Variants in LIN28B observed in about 807,000 individuals in gnomAD.
LIN28B encodes protein lin-28 homolog B.
In LIN28B, 5 loss-of-function variants were observed where a neutral mutation model predicts 21.9. The observed-to-expected ratio is 0.23, with a 90% confidence interval of 0.12 to 0.48. LIN28B has a LOEUF of 0.48. Among genes scored for constraint, LIN28B ranks in the 20% least tolerant of loss-of-function variants. The probability of loss-of-function intolerance (pLI) is 0.98; values close to 1 mark genes in which losing one functional copy is unlikely to be tolerated. For missense variants in LIN28B, 245 were observed against 310.5 expected (o/e 0.79, Z 1.58); for synonymous variants, 109 against 111.3 (o/e 0.98, Z 0.13).
At chr6:105,019,039 G>A (rs573154625) in intron 2 of LIN28B, among the ~76,000 whole-genome samples, 3 of 151,640 alleles carry the variant, frequency 2.0e-5, no homozygotes, top group East Asian at 1.9e-4. Context: ...TCCGCCTCCC[G>A]GGTTCAAGTG....
chr6:105,006,723 T>C (rs181172405), intron 2 of LIN28B, among the ~76,000 whole-genome samples: 85 of 152,364 alleles, frequency 5.6e-4, no homozygotes, highest in African/African-American at 2.0e-3. Flanking sequence ...CCTGTAGTCA[T>C]GGTCCTCTCA....
At chr6:105,015,186 G>T (rs1159518162) in intron 2 of LIN28B, among the ~76,000 whole-genome samples, 1 of 152,072 alleles carries the variant, frequency 6.6e-6, no homozygotes, top group East Asian at 1.9e-4. Flanking sequence ...GTCAGTTCTT[G>T]ATTTGTGCAT....
At chr6:105,019,688 A>G (rs1771096809) in intron 2 of LIN28B, among the ~76,000 whole-genome samples, 1 of 152,036 alleles carries the variant, frequency 6.6e-6, no homozygotes, top group Admixed American at 6.6e-5. Context: ...CCTTCTGTTA[A>G]TTTTCTTGGG....
At chr6:105,004,393 C>CT (rs913687121) in intron 2 of LIN28B, among the ~76,000 whole-genome samples, 50 of 152,234 alleles carry the variant, frequency 3.3e-4, no homozygotes, top group African/African-American at 1.2e-3. Flanking sequence ...CTCCCTCTTT[C>CT]TTTTTTGTAC....
At chr6:105,017,702 C>T (rs548568397) in intron 2 of LIN28B, among the ~76,000 whole-genome samples, 5 of 149,610 alleles carry the variant, frequency 3.3e-5, no homozygotes, top group African/African-American at 1.2e-4. Context: ...TTCTTATGGA[C>T]ATAAATATGG....
intron 3 of LIN28B, among the ~76,000 whole-genome samples, chr6:105,033,120 G>GT (rs1771457668): frequency 6.6e-6 from 1 of 152,130 alleles, no homozygotes; most frequent in African/African-American, 2.4e-5. Context: ...TATATAAAGT[G>GT]TAAGGCCTAG....
chr6:104,999,606 A>G (rs538144682), intron 2 of LIN28B, among the ~76,000 whole-genome samples: 7 of 152,350 alleles, frequency 4.6e-5, no homozygotes, highest in African/African-American at 1.4e-4. Flanking sequence ...ATGAACATCA[A>G]TGTAATGGCA....
chr6:104,967,576 CAAAAAAAAAAAAAA>C (rs71003462), intron 2 of LIN28B, among the ~76,000 whole-genome samples: 3 of 60,736 alleles, frequency 4.9e-5, no homozygotes, highest in South Asian at 6.2e-4. Context: ...AACTCCCTCT[CAAAAAAAAAAAAAA>C]AAAAAAAAAG....
intron 3 of LIN28B, among the ~76,000 whole-genome samples, chr6:105,060,468 T>C (rs1325143010): frequency 6.6e-6 from 1 of 152,136 alleles, no homozygotes. Context: ...ATTTATATTA[T>C]CCACAGTAAT....
intron 2 of LIN28B, among the ~76,000 whole-genome samples, chr6:104,962,976 A>G (rs1431980383): frequency 6.6e-6 from 1 of 152,176 alleles, no homozygotes. Flanking sequence ...TGCCCAGTTG[A>G]CCATTTTCAG....
intron 2 of LIN28B, among the ~76,000 whole-genome samples, chr6:105,011,113 G>A (rs114341017): frequency 8.4e-4 from 128 of 152,220 alleles, no homozygotes; most frequent in African/African-American, 3.0e-3. Flanking sequence ...TATGCTAATA[G>A]CCTTGGAACA....
intron 3 of LIN28B, among the ~76,000 whole-genome samples, chr6:105,030,468 A>G (rs1317664039): frequency 6.6e-6 from 1 of 152,204 alleles, no homozygotes; most frequent in Admixed American, 6.5e-5. Context: ...AATTATGTGA[A>G]GCAGCCTTGA....
intron 2 of LIN28B, among the ~76,000 whole-genome samples, chr6:104,996,639 A>G (rs1488184795): frequency 6.6e-6 from 1 of 152,172 alleles, no homozygotes; most frequent in African/African-American, 2.4e-5. Flanking sequence ...GGGGTAGTAA[A>G]GTAAGGAAAA....
upstream of LIN28B, among the ~76,000 whole-genome samples, chr6:104,952,252 A>G (rs1778228412): frequency 6.6e-6 from 1 of 152,238 alleles, no homozygotes; most frequent in Non-Finnish European, 1.5e-5. Context: ...AGACCTTTAA[A>G]TTAGGAAACA....
Position 105,067,242 on chromosome 6 carries a change from T to C in LIN28B, c.384-11172T>C, listed in dbSNP as rs12526441. On this transcript the variant is annotated intron_variant, in intron 3 of 3. Transcript: ENST00000345080. ...TCATAATTGATAGTAGTACTAACTT[T>C]TTAAAACACTTTAACTCAAAGGTCA... 4.4e-3 allele frequency among the ~76,000 whole-genome samples: 674 copies of C among 152,362 alleles called. 26 individuals are homozygous for C. The highest frequency in any genetic ancestry group is 0.04 in the Admixed American group (606 of 15,294).
intron 3 of LIN28B, among the ~76,000 whole-genome samples, chr6:105,043,532 T>A (rs544995003): frequency 6.1e-4 from 92 of 151,488 alleles, no homozygotes; most frequent in African/African-American, 2.2e-3. Context: ...TTAATAAGAT[T>A]GATAATTTTT....
chr6:105,053,774 C>T (rs1356228394), intron 3 of LIN28B, among the ~76,000 whole-genome samples: 1 of 150,168 alleles, frequency 6.7e-6, no homozygotes, highest in East Asian at 1.9e-4. Context: ...CTCTTGTAGC[C>T]CAGGCTGGAG....
At chr6:104,979,886 A>G (rs371080515) in intron 2 of LIN28B, among the ~76,000 whole-genome samples, 3 of 152,208 alleles carry the variant, frequency 2.0e-5, no homozygotes, top group African/African-American at 7.2e-5. Context: ...TCATAATTTC[A>G]TTAGTCTGAA....
chr6:105,037,722 G>C (rs919123930), intron 3 of LIN28B, among the ~76,000 whole-genome samples: 1 of 151,754 alleles, frequency 6.6e-6, no homozygotes, highest in Non-Finnish European at 1.5e-5. Context: ...CGTTGCCCAG[G>C]CTGGTCTCAA....
Sources: allele counts gnomAD v4.1 joint callset (sites outside exome capture counted in the v4.1 genomes callset), GRCh38; gene constraint gnomAD v4.1.1; transcripts MANE v1.5; gene names NCBI Gene and HGNC (gene_info 2026-07-23, HGNC 2026-07-21).